SPTA1: variants seen among roughly 807,000 people sequenced by gnomAD.
SPTA1 encodes the protein spectrin alpha, erythrocytic 1.
A neutral mutation model predicts 324.7 loss-of-function variants in SPTA1; 177 were observed. The ratio of observed to expected loss-of-function variants is 0.55; its 90% CI spans 0.48 to 0.62. The LOEUF is 0.62. Among genes scored for constraint, SPTA1 ranks in the 20% least tolerant of loss-of-function variants. The pLI is 0.00. For missense variants in SPTA1, 3,162 were observed against 2,883.6 expected (o/e 1.10, Z -2.21); for synonymous variants, 1,195 against 1,041.3 (o/e 1.15, Z -2.84).
In SPTA1 at chr1:158,669,729, T is replaced by C. The variant is rs1653878054; in HGVS notation, c.1657A>G (p.Ile553Val). ...CATACCCCGTCACGGATAGCCTTGA[T>C]GTTCTCTGAATCATAATGGTCATCA... ...IGDDHYDSENIKAIRDGLLAR... is the reference protein window; with the variant it reads ...IGDDHYDSENVKAIRDGLLAR... The change falls in exon 13 of 52, where the codon ATC (isoleucine) becomes GTC (valine). Residue 553 changes from isoleucine (I) to valine (V), a missense_variant. Transcript: ENST00000643759. 6.2e-7 allele frequency: 1 copy of C among 1,614,140 alleles called. No homozygotes were observed. Among genetic ancestry groups the C allele is most frequent in the African/African-American group, 1.3e-5 (1 of 75,054 alleles).
At chr1:158,660,296 A>C (rs1653123491) in intron 18 of SPTA1, among the ~76,000 whole-genome samples, 1 of 152,206 alleles carries the variant, frequency 6.6e-6, no homozygotes, top group Non-Finnish European at 1.5e-5. Flanking sequence ...CTCACTTTAA[A>C]TATAAGAAAC....
chr1:158,648,617 T>C lies in SPTA1; in HGVS notation c.3606A>G (p.Lys1202=). ...GGTCTGCAGCACTGAGGGCCTGGCA[T>C]TTCTTCTCAATCTGCTCCTTCGTGT... ...ADDTKEQIEK[K]CQALSAADPG... is the part of the protein sequence containing the mutation. Residue 1202 remains lysine (K), a synonymous_variant, in exon 26 of 52, where the codon AAA becomes AAG. Coordinates refer to ENST00000643759, the MANE Select transcript of SPTA1 (RefSeq NM_003126.4). The C allele has an allele frequency of 6.2e-7, 1 of 1,613,974 alleles. No individual in the cohort carries two copies. The highest frequency in any genetic ancestry group is 8.5e-7 in the Non-Finnish European group (1 of 1,179,972).
chr1:158,684,092 G>GA (rs1345072187), intron 2 of SPTA1, among the ~76,000 whole-genome samples: 38 of 8,678 alleles, frequency 4.4e-3, no homozygotes, highest in African/African-American at 5.0e-3. Context: ...GCAATTTAGG[G>GA]AAGAAAAAAA....
chr1:158,627,002 C>A lies in SPTA1; in HGVS notation c.5670G>T (p.Leu1890Phe). Residue 1890 changes from leucine (L) to phenylalanine (F), a missense_variant, in exon 41 of 52, where the codon TTG (leucine) becomes TTT (phenylalanine). Physicochemically the swap from Leu to Phe is conservative, Grantham distance 22. Coordinates refer to ENST00000643759, the MANE Select transcript of SPTA1 (RefSeq NM_003126.4). ...AQGEDILNKV[L>F]QEESQNKEIS... The stretch of plus-strand genomic sequence containing the variant: ...TCTCTTTGTTCTGACTTTCCTCCTG[C>A]AACACCTGTGAGAAGGGGAGAGACA... 1 of 1,613,740 alleles carries A rather than the reference C, an allele frequency of 6.2e-7. No homozygotes were observed. Among genetic ancestry groups the A allele is most frequent in the Non-Finnish European group, 8.5e-7 (1 of 1,179,718 alleles).
chr1:158,652,416 G>A (rs1652510150), intron 23 of SPTA1, 51 bp downstream of exon 23: 2 of 1,580,736 alleles, frequency 1.3e-6, no homozygotes, highest in African/African-American at 2.7e-5. Context: ...AATATGCTGA[G>A]GGATAAAAGC....
chr1:158,647,304 A>G (rs1417356304), intron 27 of SPTA1, among the ~76,000 whole-genome samples: 4 of 152,244 alleles, frequency 2.6e-5, no homozygotes, highest in African/African-American at 9.6e-5. Context: ...CAGTAGAACA[A>G]AAAAGCTTCT....
At chr1:158,613,031 T>A in intron 50 of SPTA1, 70 bp from the exon 51 acceptor site, 1 of 1,535,070 alleles carries the variant, frequency 6.5e-7, no homozygotes, top group Non-Finnish European at 8.9e-7. Flanking sequence ...TTAATCCTAC[T>A]CAGTGTCTCA....
chr1:158,680,490 C>T, intron 5 of SPTA1, 93 bp downstream of exon 5: 3 of 1,560,584 alleles, frequency 1.9e-6, no homozygotes, highest in East Asian at 2.2e-5. Context: ...CTCACAATGC[C>T]CCATCTCCTT....
chr1:158,626,763 A>C, intron 41 of SPTA1, 76 bp downstream of exon 41: 1 of 1,593,088 alleles, frequency 6.3e-7, no homozygotes, highest in Non-Finnish European at 8.6e-7. Context: ...TAAAAGTCCC[A>C]GAGACCATTC....
chr1:158,615,419 A>G lies in SPTA1; in HGVS notation c.6601-16T>C, dbSNP rs1649497514. 5.6e-6 allele frequency: 9 copies of G among 1,613,826 alleles called. No individual in the cohort carries two copies. In the Admixed American group the frequency reaches 1.3e-4, roughly 24 times the overall value. ...TCTGTTTTCTCTGGAAAAACGACAG[A>G]GAAGAGAGACAATTAGTTGCCCAGG... is the stretch of plus-strand genomic sequence containing the variant. On this transcript the variant is annotated splice_polypyrimidine_tract_variant and intron_variant, in intron 47 of 51. Coordinates refer to ENST00000643759, the MANE Select transcript of SPTA1 (RefSeq NM_003126.4).
intron 39 of SPTA1, among the ~76,000 whole-genome samples, chr1:158,630,092 C>T (rs569193848): frequency 4.0e-5 from 6 of 151,818 alleles, no homozygotes; most frequent in Admixed American, 3.9e-4. Context: ...TGTACAAGGT[C>T]AATGAAATCC....
chr1:158,663,726 T>C (rs1222655321), intron 16 of SPTA1, among the ~76,000 whole-genome samples: 1 of 152,104 alleles, frequency 6.6e-6, no homozygotes, highest in African/African-American at 2.4e-5. Context: ...AGAGGTAGCA[T>C]TAGGACAAAT....
chr1:158,670,777 A>C (rs1653965505), intron 12 of SPTA1, among the ~76,000 whole-genome samples: 1 of 152,222 alleles, frequency 6.6e-6, no homozygotes, highest in Non-Finnish European at 1.5e-5. Context: ...AAGATATACT[A>C]TAAAGGAAAA....
intron 10 of SPTA1, among the ~76,000 whole-genome samples, chr1:158,672,460 CAT>C (rs1654093533): frequency 6.6e-6 from 1 of 152,060 alleles, no homozygotes; most frequent in Non-Finnish European, 1.5e-5. Context: ...TATGGGAAAG[CAT>C]GGAAAATCTC....
intron 31 of SPTA1, 142 bp downstream of exon 31, chr1:158,643,180 C>A: frequency 8.1e-7 from 1 of 1,233,878 alleles, no homozygotes; most frequent in South Asian, 1.3e-5. Flanking sequence ...AAATCTAAGT[C>A]AGAAAGTCTG....
intron 20 of SPTA1, among the ~76,000 whole-genome samples, 167 bp from the exon 21 acceptor site, chr1:158,654,915 C>T (rs1001956442): frequency 1.3e-5 from 2 of 152,076 alleles, no homozygotes; most frequent in Admixed American, 6.5e-5. Flanking sequence ...AGAGACTGCT[C>T]CATTCTGACA....
Position 158,649,928 on chromosome 1 carries a change from C to G in SPTA1, c.3497G>C (p.Gly1166Ala). 6.2e-7 allele frequency: 1 copy of G among 1,613,510 alleles called. No homozygotes were observed. Among genetic ancestry groups the G allele is most frequent in the Non-Finnish European group, 8.5e-7 (1 of 1,179,696 alleles). ...TTCATCTGCAAGCCTCTGCAAAGAA[C>G]CCCAGCGGGAATTCAATTCCTAAAA... ...QIRQELNSRWGSLQRLADEQR... is the reference protein window; with the variant it reads ...QIRQELNSRWASLQRLADEQR... Residue 1166 changes from glycine (G) to alanine (A), a missense_variant, in exon 25 of 52, where the codon GGT (glycine) becomes GCT (alanine). Coordinates refer to ENST00000643759, the MANE Select transcript of SPTA1 (RefSeq NM_003126.4).
rs183260145 is a variant in SPTA1, at chr1:158,642,948, C to T, written c.4471G>A (p.Asp1491Asn). 6.2e-7 allele frequency: 1 copy of T among 1,613,716 alleles called. No individual in the cohort carries two copies. Among genetic ancestry groups the T allele is most frequent in the African/African-American group, 1.3e-5 (1 of 75,008 alleles). Reference protein sequence around the residue: ...RWKALKAQLIDERTKLGDYAN... With the variant: ...RWKALKAQLINERTKLGDYAN... ...TAGTCTCCAAGCTTTGTCCGCTCAT[C>T]AATCAGTTGTGCTTTGAGAGCCTTC... Residue 1491 changes from aspartate to asparagine, a missense_variant, in exon 32 of 52, where the codon GAT (aspartate) becomes AAT (asparagine). By Grantham distance (23) the Asp-to-Asn change is conservative. Transcript: ENST00000643759.
intron 10 of SPTA1, among the ~76,000 whole-genome samples, chr1:158,672,788 A>G (rs900286284): frequency 6.6e-6 from 1 of 152,104 alleles, no homozygotes; most frequent in Non-Finnish European, 1.5e-5. Flanking sequence ...CTGCAGCTGT[A>G]TTATCTCCGT....
Sources: allele counts gnomAD v4.1 joint callset (sites outside exome capture counted in the v4.1 genomes callset), GRCh38; gene constraint gnomAD v4.1.1; transcripts MANE v1.5; gene names NCBI Gene and HGNC (gene_info 2026-07-23, HGNC 2026-07-21).